PLXNA4: variants seen among roughly 807,000 people sequenced by gnomAD.
PLXNA4 encodes plexin A4, also known as plexin-A4.
In PLXNA4, 44 loss-of-function variants were observed where a neutral mutation model predicts 191.8. That is an observed-to-expected ratio of 0.23 (90% CI 0.18 to 0.29). PLXNA4 has a LOEUF of 0.29. Ranked by LOEUF, PLXNA4 falls within the 10% of genes least tolerant of loss-of-function variation. PLXNA4 has a pLI of 1.00. For synonymous variants in PLXNA4, 1,082 were observed against 1,009.5 expected (o/e 1.07, Z -1.36); for missense variants, 1,800 against 2,488.8 (o/e 0.72, Z 5.89).
At position 132,595,014 on chromosome 7, in the gene PLXNA4, T is replaced by C. The variant is rs62465171; in HGVS notation, c.-87+50914A>G. On this transcript the variant is annotated intron_variant, in intron 2 of 4. Coordinates refer to the PLXNA4 transcript ENST00000378539. Reference sequence around the variant, plus strand: ...ATAGATAGATAGATAGATAGATAGATAGATAGACAGACAGACAGACAGACA... The same window carrying C: ...ATAGATAGATAGATAGATAGATAGACAGATAGACAGACAGACAGACAGACA... Among the ~76,000 whole-genome samples the C allele has an allele frequency of 1.5e-3, 35 of 22,856 alleles. 1 individual carries two copies. The highest frequency in any genetic ancestry group is 9.9e-3 in the East Asian group (6 of 606). The allele number at this position is 22,856 out of a possible 152,430, so 15.0% of individuals were successfully genotyped here. A position where few individuals can be genotyped will look rare whatever the true frequency, so the allele number is the denominator to read the frequency against.
At chr7:132,456,608 A>G (rs140822116) in intron 3 of PLXNA4, among the ~76,000 whole-genome samples, 1 of 152,128 alleles carries the variant, frequency 6.6e-6, no homozygotes, top group African/African-American at 2.4e-5. Context: ...GTGTGTGACG[A>G]GAAGATAACG....
Position 132,127,797 on chromosome 7 carries a change from T to G in PLXNA4, c.*2682A>C, listed in dbSNP as rs35071694. 0.093 allele frequency: 14,200 copies of G among 152,212 alleles called. 956 individuals are homozygous for G. The highest frequency in any genetic ancestry group is 0.22 in the Admixed American group (3,300 of 15,300). The allele number at this position is 152,212 out of a possible 1,614,324, so 9.4% of individuals were successfully genotyped here. ...TTGTCTGTCCTTGTCTCCTCTTTCT[T>G]CCTAACCTTTCTATTTCTCTGAGGT... On this transcript the variant is annotated 3_prime_UTR_variant, in exon 32 of 32. Transcript: ENST00000321063.
At chr7:132,329,148 T>G (rs1028762635) in intron 3 of PLXNA4, among the ~76,000 whole-genome samples, 1 of 152,240 alleles carries the variant, frequency 6.6e-6, no homozygotes, top group African/African-American at 2.4e-5. Context: ...GTTTGGGAAC[T>G]GCTGCCCAAA....
chr7:132,357,618 G>A (rs1201712169), intron 3 of PLXNA4, among the ~76,000 whole-genome samples: 3 of 152,208 alleles, frequency 2.0e-5, no homozygotes, highest in Non-Finnish European at 4.4e-5. Flanking sequence ...TGGAGCCTCT[G>A]ACATCCCATC....
intron 28 of PLXNA4, among the ~76,000 whole-genome samples, chr7:132,145,915 C>CAA (rs397778925): frequency 0.016 from 1,495 of 92,336 alleles, 21 homozygotes; most frequent in South Asian, 0.036. Flanking sequence ...ACTAAAAATA[C>CAA]AAAAAAAAAA....
Position 132,532,530 on chromosome 7 carries a change from A to G in PLXNA4, c.-86-23751T>C, listed in dbSNP as rs115867441. ...CCTGCCTTGTTTGAAAAAATATGAC[A>G]TCATACCATCCTTTATGCACAATGC... On this transcript the variant is annotated intron_variant, in intron 1 of 31. Coordinates refer to ENST00000321063, the MANE Select transcript of PLXNA4 (RefSeq NM_020911.2). 3.1e-3 allele frequency among the ~76,000 whole-genome samples: 475 copies of G among 152,324 alleles called. 5 individuals are homozygous for G. Among genetic ancestry groups the G allele is most frequent in the African/African-American group, 0.011 (448 of 41,574 alleles).
rs1563177329 is a variant in PLXNA4, at chr7:132,564,018, CCTTCTCCTCCTCCTT to C, written c.-87+12389_-87+12403del. On this transcript the variant is annotated intron_variant, in intron 1 of 31. Coordinates refer to ENST00000321063, the MANE Select transcript of PLXNA4 (RefSeq NM_020911.2). ...TCCTTCTCCTCCTCCTTCTCCTCCTCCTTCTCCTCCTCCTTCTCCTCCTTTTCCTCCCCCTCTTTC... is the reference window on the plus strand; with the variant it reads ...TCCTTCTCCTCCTCCTTCTCCTCCTCCTCCTCCTTTTCCTCCCCCTCTTTC... Among the ~76,000 whole-genome samples the C allele has an allele frequency of 1.6e-4, 6 of 36,690 alleles. 1 individual carries two copies. The highest frequency in any genetic ancestry group is 3.0e-4 in the Admixed American group (1 of 3,328). The allele number at this position is 36,690 out of a possible 152,430, so 24.1% of individuals were successfully genotyped here. A position where few individuals can be genotyped will look rare whatever the true frequency, so the allele number is the denominator to read the frequency against.
At chr7:132,414,774 A>G (rs1270782359) in intron 3 of PLXNA4, among the ~76,000 whole-genome samples, 1 of 152,166 alleles carries the variant, frequency 6.6e-6, no homozygotes, top group East Asian at 1.9e-4. Flanking sequence ...GTATCATGAG[A>G]GGCATAGGAT....
intron 3 of PLXNA4, among the ~76,000 whole-genome samples, chr7:132,481,119 T>C (rs1797317846): frequency 6.6e-6 from 1 of 152,110 alleles, no homozygotes; most frequent in Non-Finnish European, 1.5e-5. Flanking sequence ...AAGCTGAATC[T>C]GCCATCTAGG....
intron 1 of PLXNA4, among the ~76,000 whole-genome samples, chr7:132,563,598 T>C (rs1484410556): frequency 4.3e-4 from 28 of 65,834 alleles, no homozygotes; most frequent in African/African-American, 6.6e-4. Context: ...CCTCATCCTT[T>C]CTCCTCCTCC....
At chr7:132,582,793 A>G (rs1345220884) in intron 2 of PLXNA4, among the ~76,000 whole-genome samples, 1 of 152,218 alleles carries the variant, frequency 6.6e-6, no homozygotes, top group Non-Finnish European at 1.5e-5. Context: ...TGCAGGGAAG[A>G]TATCATTCCT....
intron 4 of PLXNA4, among the ~76,000 whole-genome samples, chr7:132,295,589 C>T (rs1042453074): frequency 2.0e-5 from 3 of 152,140 alleles, no homozygotes; most frequent in African/African-American, 7.2e-5. Flanking sequence ...AGCTGCTTTG[C>T]CCTGAGCTCT....
At chr7:132,339,337 T>G (rs1287445716) in intron 3 of PLXNA4, among the ~76,000 whole-genome samples, 1 of 152,220 alleles carries the variant, frequency 6.6e-6, no homozygotes, top group Non-Finnish European at 1.5e-5. Context: ...CATCTAATGT[T>G]TCTTACCACA....
intron 3 of PLXNA4, among the ~76,000 whole-genome samples, chr7:132,395,760 A>G (rs1371685774): frequency 6.6e-6 from 1 of 152,256 alleles, no homozygotes; most frequent in African/African-American, 2.4e-5. Context: ...ATGCAAGTGC[A>G]ATCCATGACC....
intron 20 of PLXNA4, among the ~76,000 whole-genome samples, chr7:132,178,001 TC>T (rs1254687208): frequency 6.6e-6 from 1 of 152,164 alleles, no homozygotes; most frequent in Non-Finnish European, 1.5e-5. Flanking sequence ...GCTCAGATCC[TC>T]CCAGGATGAG....
chr7:132,132,410 C>CTGT (rs1339578573), intron 31 of PLXNA4, among the ~76,000 whole-genome samples: 13 of 39,194 alleles, frequency 3.3e-4, no homozygotes, highest in African/African-American at 1.6e-3. Context: ...CTGTTCTGTT[C>CTGT]TGTTCTGTTC....
At chr7:132,487,857 G>A (rs1196419005) in intron 3 of PLXNA4, among the ~76,000 whole-genome samples, 2 of 152,320 alleles carry the variant, frequency 1.3e-5, no homozygotes, top group East Asian at 1.9e-4. Flanking sequence ...AGGAGTCTGA[G>A]GCAGCAAGGA....
At chr7:132,238,560 TGACCACAAA>T (rs534877194) in intron 5 of PLXNA4, among the ~76,000 whole-genome samples, 24 of 152,328 alleles carry the variant, frequency 1.6e-4, no homozygotes, top group Non-Finnish European at 2.9e-4. Flanking sequence ...CAGACAATGA[TGACCACAAA>T]GACAACAACA....
At chr7:132,254,196 T>C (rs753428343) in intron 4 of PLXNA4, among the ~76,000 whole-genome samples, 1 of 152,166 alleles carries the variant, frequency 6.6e-6, no homozygotes, top group Non-Finnish European at 1.5e-5. Context: ...CATCTATCTG[T>C]ATGATAGGGA....
Sources: allele counts gnomAD v4.1 joint callset (sites outside exome capture counted in the v4.1 genomes callset), GRCh38; gene constraint gnomAD v4.1.1; transcripts MANE v1.5; gene names NCBI Gene and HGNC (gene_info 2026-07-23, HGNC 2026-07-21).